The following LGI3 variants were observed in gnomAD, a reference collection of about 807,000 sequenced individuals.
LGI3 encodes leucine-rich repeat LGI family member 3.
LGI3 carries 47 observed loss-of-function variants against 55.4 expected under a neutral mutation model. The observed-to-expected ratio is 0.85, with a 90% confidence interval of 0.67 to 1.08. The LOEUF is 1.08. Ranked by LOEUF, LGI3 falls within the 50% of genes least tolerant of loss-of-function variation. The pLI is 0.00. For synonymous variants in LGI3, 326 were observed against 315.0 expected (o/e 1.04, Z -0.37); for missense variants, 664 against 726.3 (o/e 0.91, Z 0.99).
At position 22,149,956 on chromosome 8, in the gene LGI3, TCA is replaced by T. The variant is rs1204588213; in HGVS notation, c.830-981_830-980del. ...CAAGCACCTAAAACTCAGTCAGGAC[TCA>T]CAACTCACAATTCAGCTCCATACCC... On this transcript the variant is annotated intron_variant, in intron 7 of 7. Coordinates refer to ENST00000306317, the MANE Select transcript of LGI3 (RefSeq NM_139278.4). Among the ~76,000 whole-genome samples the T allele has an allele frequency of 3.9e-5, 6 of 152,152 alleles. No homozygotes were observed. The South Asian group carries it at 1.2e-3, about 31-fold the overall frequency.
Position 22,147,383 on chromosome 8 carries a change from T to A in LGI3, c.*777A>T, listed in dbSNP as rs1239959589. The A allele has an allele frequency of 6.6e-6, 1 of 152,278 alleles. No homozygotes were observed. The highest frequency in any genetic ancestry group is 1.5e-5 in the Non-Finnish European group (1 of 68,146). The allele number at this position is 152,278 out of a possible 1,614,324, so 9.4% of individuals were successfully genotyped here. ...GGCAGCTCCCCGGGATTGCTTCTGC[T>A]GCTGTTGTTATTGCTTCGGGCAGAG... On this transcript the variant is annotated 3_prime_UTR_variant, in exon 8 of 8. Transcript: ENST00000306317.
intron 5 of LGI3, among the ~76,000 whole-genome samples, chr8:22,153,613 G>A (rs1827408640): frequency 6.6e-6 from 1 of 151,800 alleles, no homozygotes; most frequent in South Asian, 2.1e-4. Context: ...CAGAGGCTGA[G>A]GAAGAATCGC....
intron 7 of LGI3, among the ~76,000 whole-genome samples, chr8:22,150,351 A>ATTTTTTTTTTTT (rs61084616): frequency 1.4e-5 from 1 of 72,570 alleles, no homozygotes; most frequent in Non-Finnish European, 2.4e-5. Context: ...TAAGCCTTCT[A>ATTTTTTTTTTTT]TTTTTTTTTT....
chr8:22,148,913 C>T lies in LGI3; in HGVS notation c.894G>A (p.Gln298=), dbSNP rs746299609. 1 of 1,614,132 alleles carries T rather than the reference C, an allele frequency of 6.2e-7. No homozygotes were observed. Among genetic ancestry groups the T allele is most frequent in the African/African-American group, 1.3e-5 (1 of 75,056 alleles). Residue 298 remains glutamine, a synonymous_variant, in exon 8 of 8, where the codon CAG becomes CAA. Transcript: ENST00000306317. The surrounding 1 kb of genome is among the most constrained non-coding windows in gnomAD (Gnocchi z 7.0). The part of the protein sequence containing the change: ...VDSQLYVVVA[Q]LFGGSYIYHW... ...GGTAAATGTAAGAGCCGCCAAACAG[C>T]TGGGCCACGACCACGTACAGCTGGC... is the stretch of plus-strand genomic sequence containing the variant.
At chr8:22,152,179 C>T (rs936035215) in intron 5 of LGI3, among the ~76,000 whole-genome samples, 179 bp from the exon 6 acceptor site, 1 of 152,356 alleles carries the variant, frequency 6.6e-6, no homozygotes, top group Admixed American at 6.5e-5. Context: ...CCCACAGACA[C>T]AGGCTTGGCC....
rs775724479 is a variant in LGI3 at position 22,148,693 on chromosome 8, G to T, written c.1114C>A (p.Pro372Thr). The T allele has an allele frequency of 6.8e-6, 11 of 1,614,100 alleles. No individual in the cohort carries two copies. Among genetic ancestry groups the T allele is most frequent in the Admixed American group, 5.0e-5 (3 of 60,024 alleles). ...NGFYSHQALH[P>T]WHRDTDLEFV... ...TCCAGGTCGGTGTCACGGTGCCAGG[G>T]GTGCAGTGCCTGGTGGGAGTAGAAG... is the stretch of plus-strand genomic sequence containing the variant. The change falls in exon 8 of 8, where the codon CCC (proline) becomes ACC (threonine). Residue 372 changes from proline to threonine, a missense_variant. Pro to Thr is a conservative substitution (Grantham distance 38). Coordinates refer to ENST00000306317, the MANE Select transcript of LGI3 (RefSeq NM_139278.4). The surrounding 1 kb of genome is among the most constrained non-coding windows in gnomAD (Gnocchi z 7.0).
intron 5 of LGI3, among the ~76,000 whole-genome samples, chr8:22,153,167 C>T (rs1352609254): frequency 2.0e-5 from 3 of 150,544 alleles, no homozygotes; most frequent in Non-Finnish European, 4.4e-5. Flanking sequence ...TTACTGCAAC[C>T]TCTGCCTCCC....
chr8:22,151,096 A>G (rs1422662023), intron 7 of LGI3, among the ~76,000 whole-genome samples: 1 of 152,076 alleles, frequency 6.6e-6, no homozygotes, highest in Non-Finnish European at 1.5e-5. Context: ...AAACTGCTCA[A>G]CAGTCACTCC....
intron 5 of LGI3, among the ~76,000 whole-genome samples, chr8:22,153,590 G>C (rs1311024611): frequency 6.6e-6 from 1 of 151,712 alleles, no homozygotes; most frequent in Non-Finnish European, 1.5e-5. Flanking sequence ...TAGTCCCTTA[G>C]TCCCAGCTAC....
rs531454651 is a variant in LGI3 at position 22,155,478 on chromosome 8, G to A, written c.207-15C>T. ...TCACCAGGGTCCTGCGGGGACACCC[G>A]AGTCAGTACTGTGGGGTCTGCAAGG... On this transcript the variant is annotated splice_polypyrimidine_tract_variant and intron_variant, in intron 1 of 7. Transcript: ENST00000306317. 22 of 1,611,974 alleles carry A rather than the reference G, an allele frequency of 1.4e-5. No individual in the cohort carries two copies. In the African/African-American group the frequency reaches 2.0e-4, roughly 15 times the overall value.
chr8:22,151,874 C>T lies in LGI3; in HGVS notation c.621G>A (p.Lys207=), dbSNP rs1380222544. 6.8e-6 allele frequency: 11 copies of T among 1,613,242 alleles called. No individual in the cohort carries two copies. The highest frequency in any genetic ancestry group is 1.1e-5 in the South Asian group (1 of 91,018). ...ACTCCCGCAGCGGCAGGTCCTGCAC[C>T]TTGTGCTCCTGGAAGCGGGGCGGGC... The part of the protein sequence containing the change: ...CASPPRFQEH[K]VQDLPLREFD... The change falls in exon 6 of 8, where the codon AAG becomes AAA. Residue 207 remains lysine, a synonymous_variant. Transcript: ENST00000306317.
At chr8:22,149,683 C>T (rs1161206429) in intron 7 of LGI3, among the ~76,000 whole-genome samples, 2 of 152,172 alleles carry the variant, frequency 1.3e-5, no homozygotes, top group South Asian at 2.1e-4. Context: ...ATACACTGCT[C>T]ACCTGTCCCA....
At position 22,154,050 on chromosome 8, in the gene LGI3, G is replaced by A. The variant is rs1219342814; in HGVS notation, c.423-11C>T. On this transcript the variant is annotated splice_polypyrimidine_tract_variant and intron_variant, in intron 4 of 7. Transcript: ENST00000306317. ...TTGTTGGCCAGCGAGCTGCAAAAGA[G>A]ACCGCCAGGTCATCTGAAGATCATG... The A allele has an allele frequency of 6.2e-7, 1 of 1,614,168 alleles. No homozygotes were observed. Among genetic ancestry groups the A allele is most frequent in the Admixed American group, 1.7e-5 (1 of 60,030 alleles).
At position 22,147,915 on chromosome 8, in the gene LGI3, T is replaced by C. The variant is rs1325518404; in HGVS notation, c.*245A>G. ...GCTGCAGAGTAGGGGGGGCCTGCAGTTGGGGTCACGGGAACTGGGCGTTAG... is the reference window on the plus strand; with the variant it reads ...GCTGCAGAGTAGGGGGGGCCTGCAGCTGGGGTCACGGGAACTGGGCGTTAG... On this transcript the variant is annotated 3_prime_UTR_variant, in exon 8 of 8. Transcript: ENST00000306317. 2 of 481,276 alleles carry C rather than the reference T, an allele frequency of 4.2e-6. No individual in the cohort carries two copies. Among genetic ancestry groups the C allele is most frequent in the Non-Finnish European group, 7.4e-6 (2 of 271,012 alleles). 29.8% of individuals were successfully genotyped at this position (481,276 alleles called of 1,614,324 possible).
rs138270702 is a variant in LGI3 at position 22,154,592 on chromosome 8, G to A, written c.318C>T (p.Asn106=). The part of the protein sequence containing the change: ...NSNKFTLIGD[N]AFTGLSHLQY... ...GCAGGTGCGACAGTCCTGTGAAGGC[G>A]TTGTCTCCAATCAGTGTAAACTTGT... Residue 106 remains asparagine (N), a synonymous_variant, in exon 3 of 8, where the codon AAC becomes AAT. Coordinates refer to ENST00000306317, the MANE Select transcript of LGI3 (RefSeq NM_139278.4). 2.6e-4 allele frequency: 419 copies of A among 1,613,948 alleles called. 1 individual carries two copies. In the African/African-American group the frequency reaches 4.9e-3, roughly 19 times the overall value.
In LGI3 at chr8:22,147,934, G is replaced by C. The variant is rs980876048; in HGVS notation, c.*226C>G. 4 of 535,110 alleles carry C rather than the reference G, an allele frequency of 7.5e-6. No homozygotes were observed. In the African/African-American group the frequency reaches 7.6e-5, roughly 10 times the overall value. 33.1% of individuals were successfully genotyped at this position (535,110 alleles called of 1,614,324 possible). On this transcript the variant is annotated 3_prime_UTR_variant, in exon 8 of 8. Transcript: ENST00000306317. ...CTGCAGTTGGGGTCACGGGAACTGG[G>C]CGTTAGGTGTCCCAGGGGTGCCTGG...
chr8:22,156,504 C>T lies in LGI3; in HGVS notation c.39G>A (p.Gly13=). ...GLRARGGPGP[G]LLALSALGFC... ...AGCCGAGCGCGGAGAGCGCCAGCAG[C>T]CCCGGCCCCGGGCCCCCCCTGGCCC... is the stretch of plus-strand genomic sequence containing the variant. The change falls in exon 1 of 8, where the codon GGG becomes GGA. Residue 13 remains glycine, a synonymous_variant. Transcript: ENST00000306317. 2 of 1,404,314 alleles carry T rather than the reference C, an allele frequency of 1.4e-6. No homozygotes were observed. Among genetic ancestry groups the T allele is most frequent in the Non-Finnish European group, 1.9e-6 (2 of 1,079,918 alleles). The allele number at this position is 1,404,314 out of a possible 1,614,324, so 87.0% of individuals were successfully genotyped here.
intron 7 of LGI3, among the ~76,000 whole-genome samples, chr8:22,149,333 G>A (rs1479410232): frequency 2.6e-5 from 4 of 152,076 alleles, no homozygotes; most frequent in Non-Finnish European, 5.9e-5. Flanking sequence ...ATGTTACATC[G>A]ATGAGGAATT....
chr8:22,156,512 C>G lies in LGI3; in HGVS notation c.31G>C (p.Gly11Arg). 1 of 1,393,964 alleles carries G rather than the reference C, an allele frequency of 7.2e-7. No individual in the cohort carries two copies. The highest frequency in any genetic ancestry group is 9.3e-7 in the Non-Finnish European group (1 of 1,074,522). The allele number at this position is 1,393,964 out of a possible 1,614,324, so 86.3% of individuals were successfully genotyped here. The change falls in exon 1 of 8, where the codon GGG becomes CGG. Residue 11 changes from glycine (G) to arginine (R), a missense_variant. Physicochemically the swap from Gly to Arg is moderately radical, Grantham distance 125. Coordinates refer to ENST00000306317, the MANE Select transcript of LGI3 (RefSeq NM_139278.4). Reference sequence around the variant, plus strand: ...GCGGAGAGCGCCAGCAGCCCCGGCCCCGGGCCCCCCCTGGCCCGCAGCCCC... The same window carrying G: ...GCGGAGAGCGCCAGCAGCCCCGGCCGCGGGCCCCCCCTGGCCCGCAGCCCC... MAGLRARGGP[G>R]PGLLALSALG... is the part of the protein sequence containing the mutation.
Sources: gnomAD v4.1 joint callset for allele counts (sites outside exome capture counted in the v4.1 genomes callset) on GRCh38, gnomAD v4.1.1 for gene constraint, Gnocchi (gnomAD v3.1) non-coding constraint, MANE v1.5 for transcripts, NCBI Gene and HGNC (gene_info 2026-07-23, HGNC 2026-07-21) for gene names.